Variants in KIF16B observed in about 807,000 individuals in gnomAD.
KIF16B encodes the protein kinesin-like protein KIF16B.
KIF16B carries 98 observed loss-of-function variants against 156.3 expected under a neutral mutation model. The observed-to-expected ratio is 0.63, with a 90% CI of 0.53 to 0.74. The LOEUF is 0.74. Among genes scored for constraint, KIF16B ranks in the 30% least tolerant of loss-of-function variants. The probability of loss-of-function intolerance (pLI) is 0.00; values close to 1 mark genes in which losing one functional copy is unlikely to be tolerated. For synonymous variants in KIF16B, 564 were observed against 583.7 expected (o/e 0.97, Z 0.49); for missense variants, 1,421 against 1,606.5 (o/e 0.88, Z 1.97).
At chr20:16,326,662 C>CA (rs1568852557) in intron 24 of KIF16B, among the ~76,000 whole-genome samples, 1 of 151,606 alleles carries the variant, frequency 6.6e-6, no homozygotes, top group Non-Finnish European at 1.5e-5. Context: ...TTTAAAAAAT[C>CA]AAAAAAATAA....
chr20:16,561,790 G>C (rs995890236), intron 1 of KIF16B, among the ~76,000 whole-genome samples: 10 of 152,180 alleles, frequency 6.6e-5, no homozygotes, highest in Non-Finnish European at 1.3e-4. Flanking sequence ...CAACGTATTT[G>C]TGATAAAACA....
intron 12 of KIF16B, among the ~76,000 whole-genome samples, chr20:16,487,694 C>T (rs1169831834): frequency 6.6e-6 from 1 of 152,130 alleles, no homozygotes; most frequent in Non-Finnish European, 1.5e-5. Flanking sequence ...TCTTGTTAGT[C>T]AAAACATTTT....
intron 24 of KIF16B, among the ~76,000 whole-genome samples, chr20:16,313,756 C>T (rs1333106283): frequency 1.3e-5 from 2 of 152,184 alleles, no homozygotes; most frequent in African/African-American, 2.4e-5. Context: ...TGTTGTTATG[C>T]GTAGCAATAG....
Position 16,558,927 on chromosome 20 carries a change from T to A in KIF16B, c.47+14302A>T, listed in dbSNP as rs201326606. On this transcript the variant is annotated intron_variant, in intron 1 of 25. Coordinates refer to ENST00000354981, the MANE Select transcript of KIF16B (RefSeq NM_024704.5). The stretch of plus-strand genomic sequence containing the variant: ...AAAAAAAAAAAAAAAAAAAACCAAG[T>A]GGGGGTAAATTTGTTATGGAAGCTA... 1.5e-4 allele frequency among the ~76,000 whole-genome samples: 20 copies of A among 131,540 alleles called. No individual in the cohort carries two copies. In the East Asian group the frequency reaches 4.3e-3, roughly 28 times the overall value. 86.3% of individuals were successfully genotyped at this position (131,540 alleles called of 152,430 possible). A position where few individuals can be genotyped will look rare whatever the true frequency, so the allele number is the denominator to read the frequency against.
chr20:16,468,739 G>A (rs1349141096), intron 12 of KIF16B, among the ~76,000 whole-genome samples: 3 of 152,054 alleles, frequency 2.0e-5, no homozygotes, highest in Non-Finnish European at 4.4e-5. Flanking sequence ...TACTATTAGA[G>A]AGTTGAAGAT....
chr20:16,440,879 T>A (rs907211179), intron 12 of KIF16B, among the ~76,000 whole-genome samples: 2 of 151,720 alleles, frequency 1.3e-5, no homozygotes, highest in Non-Finnish European at 2.9e-5. Flanking sequence ...TGTGGATCTT[T>A]TGGATGAAAC....
chr20:16,488,883 G>A (rs1180009791), intron 12 of KIF16B, among the ~76,000 whole-genome samples: 1 of 152,206 alleles, frequency 6.6e-6, no homozygotes, highest in Non-Finnish European at 1.5e-5. Flanking sequence ...TGTGAATGGA[G>A]CAGATTCTGA....
At chr20:16,348,804 C>T (rs2064281511) in intron 23 of KIF16B, among the ~76,000 whole-genome samples, 1 of 152,000 alleles carries the variant, frequency 6.6e-6, no homozygotes, top group Non-Finnish European at 1.5e-5. Context: ...TAAATACAGG[C>T]CACAGGTTGA....
At chr20:16,425,464 A>G (rs552084141) in intron 15 of KIF16B, among the ~76,000 whole-genome samples, 109 of 152,274 alleles carry the variant, frequency 7.2e-4, no homozygotes, top group African/African-American at 2.5e-3. Flanking sequence ...CCATTTGGCA[A>G]CCATCATAAT....
chr20:16,548,613 G>A (rs1600675880), intron 1 of KIF16B, among the ~76,000 whole-genome samples: 1 of 152,182 alleles, frequency 6.6e-6, no homozygotes, highest in East Asian at 1.9e-4. Flanking sequence ...AATGCCTAAT[G>A]CCTAACTCCT....
At chr20:16,323,381 T>C (rs1199589765) in intron 24 of KIF16B, among the ~76,000 whole-genome samples, 2 of 151,922 alleles carry the variant, frequency 1.3e-5, no homozygotes, top group Non-Finnish European at 2.9e-5. Context: ...TTTTGAGAAA[T>C]GCAAATAATA....
intron 5 of KIF16B, among the ~76,000 whole-genome samples, chr20:16,512,257 T>C (rs2068979171): frequency 1.3e-5 from 2 of 152,202 alleles, no homozygotes; most frequent in African/African-American, 4.8e-5. Flanking sequence ...GTACCACTAC[T>C]ATCCTCATTT....
chr20:16,499,354 G>A (rs1483623092), intron 10 of KIF16B, among the ~76,000 whole-genome samples: 1 of 152,132 alleles, frequency 6.6e-6, no homozygotes, highest in Non-Finnish European at 1.5e-5. Context: ...ACCAGTTAGG[G>A]GTCATTTTCG....
chr20:16,412,732 T>C (rs2146322647), intron 15 of KIF16B, among the ~76,000 whole-genome samples: 1 of 152,092 alleles, frequency 6.6e-6, no homozygotes, highest in African/African-American at 2.4e-5. Context: ...TCCCATGACA[T>C]GTGGGGATTA....
intron 25 of KIF16B, 85 bp from the exon 26 acceptor site, chr20:16,273,496 G>T: frequency 3.7e-6 from 4 of 1,094,322 alleles, no homozygotes; most frequent in Non-Finnish European, 5.5e-6. Context: ...TTTGAGACCA[G>T]TCCAGGCAAC....
In KIF16B at chr20:16,379,384, C is replaced by G. The variant is rs150304684; in HGVS notation, c.2618G>C (p.Arg873Thr). 21 of 1,604,422 alleles carry G rather than the reference C, an allele frequency of 1.3e-5. No individual in the cohort carries two copies. The change falls in exon 19 of 26, where the codon AGA (arginine) becomes ACA (threonine). Residue 873 changes from arginine to threonine, a missense_variant. Coordinates refer to ENST00000354981, the MANE Select transcript of KIF16B (RefSeq NM_024704.5). ...ACTCTCATCATGTTTTTCCAACAAT[C>G]TAGATTCTTTGTCATGTTCACATTT... ...CLKCEHDKES[R>T]LLEKHDESVT...
rs375864001 is a variant in KIF16B at position 16,535,334 on chromosome 20, T to C, written c.48-6894A>G. ...TATACAAATGCTATTGACTTTTGTA[T>C]GTTGATTTATCCTGCAACTTTATTA... On this transcript the variant is annotated intron_variant, in intron 1 of 25. Transcript: ENST00000354981. Among the ~76,000 whole-genome samples, 6 of 152,264 alleles carry C rather than the reference T, an allele frequency of 3.9e-5. No homozygotes were observed. In the East Asian group the frequency reaches 7.7e-4, roughly 19 times the overall value.
Position 16,273,254 on chromosome 20 carries a change from T to C in KIF16B, c.3953A>G (p.Ter1318TrpextTer4), listed in dbSNP as rs2063008083. The stretch of plus-strand genomic sequence containing the variant: ...GTGGTTCCTCCATCACCCCTGGCTC[T>C]ACCCCGTCCCGTGGCTGCTGTAGTC... ...VFDYSSHGTG* is the reference protein window; with the variant it reads ...VFDYSSHGTGW The change falls in exon 26 of 26, where the codon TAG becomes TGG. Residue 1318 changes from the stop codon to tryptophan, a stop_lost. Coordinates refer to ENST00000354981, the MANE Select transcript of KIF16B (RefSeq NM_024704.5). 6.2e-7 allele frequency: 1 copy of C among 1,613,678 alleles called. No homozygotes were observed.
chr20:16,378,272 G>C (rs1226291779), intron 19 of KIF16B, among the ~76,000 whole-genome samples: 1 of 151,844 alleles, frequency 6.6e-6, no homozygotes, highest in East Asian at 1.9e-4. Flanking sequence ...AAAATAGGGA[G>C]AGAAGGAAAG....
Sources: gnomAD v4.1 joint callset for allele counts (sites outside exome capture counted in the v4.1 genomes callset) on GRCh38, gnomAD v4.1.1 for gene constraint, MANE v1.5 for transcripts, NCBI Gene and HGNC (gene_info 2026-07-23, HGNC 2026-07-21) for gene names.